Variants in TAFA1 observed in about 807,000 individuals in gnomAD.
TAFA1 encodes TAFA chemokine like family member 1.
TAFA1 carries 4 observed loss-of-function variants against 18.5 expected under a neutral mutation model. The ratio of observed to expected loss-of-function variants is 0.22; its 90% CI spans 0.11 to 0.49. The LOEUF (loss-of-function observed/expected upper bound fraction) is 0.49, where lower values mean the gene tolerates loss of function less well. Ranked by LOEUF, TAFA1 falls within the 20% of genes least tolerant of loss-of-function variation. TAFA1 has a pLI of 0.98. For missense variants in TAFA1, 147 were observed against 169.0 expected, an observed-to-expected ratio of 0.87 and a Z score of 0.72; for synonymous variants, 56 against 55.2, an observed-to-expected ratio of 1.01 and a Z score of -0.06.
At chr3:68,250,627 C>T (rs2067177398) in intron 2 of TAFA1, among the ~76,000 whole-genome samples, 1 of 152,032 alleles carries the variant, frequency 6.6e-6, no homozygotes, top group South Asian at 2.1e-4. Flanking sequence ...ACCTTGCATG[C>T]TTTAAAATTC....
chr3:68,121,107 T>C (rs1022543358), intron 2 of TAFA1, among the ~76,000 whole-genome samples: 2 of 151,640 alleles, frequency 1.3e-5, no homozygotes, highest in South Asian at 2.1e-4. Flanking sequence ...AGCCAAAATA[T>C]AGATTTCTCC....
intron 2 of TAFA1, among the ~76,000 whole-genome samples, chr3:68,056,778 C>T (rs944503919): frequency 3.3e-5 from 5 of 152,042 alleles, no homozygotes; most frequent in Admixed American, 6.6e-5. Flanking sequence ...CTGCTGGCCA[C>T]GAATAGTATG....
chr3:68,323,938 G>T (rs1288134662), intron 2 of TAFA1, among the ~76,000 whole-genome samples: 5 of 152,132 alleles, frequency 3.3e-5, no homozygotes, highest in Non-Finnish European at 7.3e-5. Context: ...CAGAAGAAGG[G>T]CACCTATGTC....
At chr3:68,196,933 G>C (rs1018997538) in intron 2 of TAFA1, among the ~76,000 whole-genome samples, 13 of 151,756 alleles carry the variant, frequency 8.6e-5, no homozygotes, top group Non-Finnish European at 5.9e-5. Context: ...GATAGTCTCT[G>C]CCAACTGCAT....
intron 2 of TAFA1, among the ~76,000 whole-genome samples, chr3:68,217,995 G>C (rs1465527149): frequency 6.6e-6 from 1 of 152,036 alleles, no homozygotes. Context: ...GCCATATGCT[G>C]TGTGCCTTCC....
intron 3 of TAFA1, among the ~76,000 whole-genome samples, chr3:68,485,145 A>G (rs961490395): frequency 3.9e-5 from 6 of 151,942 alleles, no homozygotes; most frequent in Non-Finnish European, 8.8e-5. Context: ...AGAACAAATA[A>G]CTGTCTTTTC....
At chr3:68,069,947 TC>T (rs1185660528) in intron 2 of TAFA1, among the ~76,000 whole-genome samples, 1 of 152,202 alleles carries the variant, frequency 6.6e-6, no homozygotes, top group Non-Finnish European at 1.5e-5. Flanking sequence ...GGGTATGGTC[TC>T]CCTCCTGGCT....
At chr3:68,343,405 A>G in intron 2 of TAFA1, among the ~76,000 whole-genome samples, 1 of 152,200 alleles carries the variant, frequency 6.6e-6, no homozygotes, top group East Asian at 1.9e-4. Context: ...TTTGAGACAT[A>G]CTGGTCTCTG....
chr3:68,389,811 C>T (rs759590365), intron 2 of TAFA1, among the ~76,000 whole-genome samples: 5 of 152,224 alleles, frequency 3.3e-5, no homozygotes, highest in Admixed American at 6.5e-5. Context: ...CTGTGCTGTG[C>T]GGGATGGTGC....
At chr3:68,305,910 C>T (rs2068410289) in intron 2 of TAFA1, among the ~76,000 whole-genome samples, 1 of 152,118 alleles carries the variant, frequency 6.6e-6, no homozygotes, top group Non-Finnish European at 1.5e-5. Context: ...TACAAGGCAG[C>T]TGTAAGTATT....
At chr3:68,146,114 G>A (rs1184387228) in intron 2 of TAFA1, among the ~76,000 whole-genome samples, 1 of 152,136 alleles carries the variant, frequency 6.6e-6, no homozygotes, top group Non-Finnish European at 1.5e-5. Context: ...ATGGAACTTT[G>A]GAAGAGCTTG....
chr3:68,426,135 A>G (rs1462063916), intron 3 of TAFA1, among the ~76,000 whole-genome samples: 3 of 152,002 alleles, frequency 2.0e-5, no homozygotes, highest in Non-Finnish European at 2.9e-5. Context: ...AAGTATGCAT[A>G]TATTCCATAA....
chr3:68,047,692 T>C (rs1051577803), intron 2 of TAFA1, among the ~76,000 whole-genome samples: 3 of 152,142 alleles, frequency 2.0e-5, no homozygotes. Context: ...TTTACATCTA[T>C]GGAACCCAGG....
chr3:68,075,677 C>A (rs150296983), intron 2 of TAFA1, among the ~76,000 whole-genome samples: 1 of 150,452 alleles, frequency 6.6e-6, no homozygotes. Context: ...GGACCAAGAA[C>A]GACTATCTTT....
At chr3:68,381,199 A>G (rs1467331191) in intron 2 of TAFA1, among the ~76,000 whole-genome samples, 2 of 150,372 alleles carry the variant, frequency 1.3e-5, no homozygotes, top group African/African-American at 4.9e-5. Context: ...GAAGTCAGGT[A>G]GCATGATGCC....
At chr3:68,498,776 T>C (rs2072602354) in intron 3 of TAFA1, among the ~76,000 whole-genome samples, 1 of 137,888 alleles carries the variant, frequency 7.3e-6, no homozygotes, top group Non-Finnish European at 1.5e-5. Context: ...GAGAGAAAAC[T>C]ATTTTAGTGG....
intron 3 of TAFA1, among the ~76,000 whole-genome samples, chr3:68,485,419 A>G (rs1472674660): frequency 6.6e-6 from 1 of 152,242 alleles, no homozygotes; most frequent in Non-Finnish European, 1.5e-5. Context: ...AGAATCAGGA[A>G]AAGTCCATCA....
At chr3:68,490,016 A>C (rs979302964) in intron 3 of TAFA1, among the ~76,000 whole-genome samples, 8 of 152,222 alleles carry the variant, frequency 5.3e-5, no homozygotes, top group African/African-American at 1.9e-4. Context: ...AAAAAGTGAG[A>C]CTATCACTTC....
intron 2 of TAFA1, among the ~76,000 whole-genome samples, chr3:68,235,869 G>C (rs548982584): frequency 6.6e-6 from 1 of 152,234 alleles, no homozygotes; most frequent in East Asian, 1.9e-4. Flanking sequence ...GAGTAGAACT[G>C]AGATATGGGA....
Sources: allele counts gnomAD v4.1 joint callset (sites outside exome capture counted in the v4.1 genomes callset), GRCh38; gene constraint gnomAD v4.1.1; transcripts MANE v1.5; gene names NCBI Gene and HGNC (gene_info 2026-07-23, HGNC 2026-07-21).